The following SMC6 variants were observed in gnomAD, a reference collection of about 807,000 sequenced individuals.
The protein encoded by SMC6 is structural maintenance of chromosomes protein 6.
A neutral mutation model predicts 142.2 loss-of-function variants in SMC6; 79 were observed. The observed-to-expected ratio is 0.56, with a 90% CI of 0.46 to 0.67. The LOEUF (loss-of-function observed/expected upper bound fraction) is 0.67, where lower values mean the gene tolerates loss of function less well. Ranked by LOEUF, SMC6 falls within the 30% of genes least tolerant of loss-of-function variation. The pLI is 0.00. For synonymous variants in SMC6, 411 were observed against 412.4 expected (o/e 1.00, Z 0.04); for missense variants, 1,072 against 1,284.0 (o/e 0.83, Z 2.52).
chr2:17,718,262 CAATA>C (rs1399975111), intron 11 of SMC6, 39 bp from the exon 12 acceptor site: 3 of 1,435,912 alleles, frequency 2.1e-6, no homozygotes, highest in Non-Finnish European at 2.8e-6. Flanking sequence ...ATTTTTTCTT[CAATA>C]GAGAGAATTT....
chr2:17,686,198 A>G (rs1244077717), intron 23 of SMC6, among the ~76,000 whole-genome samples: 3 of 152,160 alleles, frequency 2.0e-5, no homozygotes, highest in Non-Finnish European at 4.4e-5. Flanking sequence ...AAATTTGGCC[A>G]GGTACGGTAT....
At chr2:17,696,174 A>T in intron 22 of SMC6, 115 bp downstream of exon 22, 1 of 1,342,418 alleles carries the variant, frequency 7.4e-7, no homozygotes, top group Non-Finnish European at 1.0e-6. Flanking sequence ...ACTCTATATG[A>T]AACAGAAATT....
Position 17,725,240 on chromosome 2 carries a change from A to G in SMC6, c.726+17T>C, listed in dbSNP as rs758738802. On this transcript the variant is annotated intron_variant, in intron 9 of 27. Coordinates refer to ENST00000448223, the MANE Select transcript of SMC6 (RefSeq NM_001142286.2). ...TTTGGCTGATCTCAAAAAGATTTACATTAACTGTTTACAAACCTCTTCTCC... is the reference window on the plus strand; with the variant it reads ...TTTGGCTGATCTCAAAAAGATTTACGTTAACTGTTTACAAACCTCTTCTCC... 12 of 1,573,838 alleles carry G rather than the reference A, an allele frequency of 7.6e-6. No homozygotes were observed. The Admixed American group carries it at 1.1e-4, about 14-fold the overall frequency.
At chr2:17,746,152 TAG>T (rs1346144446) in intron 2 of SMC6, 2 of 489,566 alleles carry the variant, frequency 4.1e-6, no homozygotes, top group Non-Finnish European at 6.7e-6. Context: ...GGCAAGGAAA[TAG>T]ATTTTCCCCT....
chr2:17,711,694 C>T (rs943972303), intron 16 of SMC6, among the ~76,000 whole-genome samples: 19 of 152,184 alleles, frequency 1.2e-4, no homozygotes, highest in Admixed American at 1.2e-3. Context: ...TCACAGCCCA[C>T]TGCAGCCTTG....
rs1348862636 is a variant in SMC6, at chr2:17,683,763, C to T, written c.2679G>A (p.Arg893=). ...ASHGDREEIM[R]QYQEARETYL... is the part of the protein sequence containing the mutation. ...AGGTCTCTCTTGCTTCTTGGTACTG[C>T]CTATTATATAAACAAAATATTACGT... The change falls in exon 24 of 28, where the codon AGG becomes AGA. Residue 893 remains arginine (R), a splice_region_variant and synonymous_variant. Coordinates refer to ENST00000448223, the MANE Select transcript of SMC6 (RefSeq NM_001142286.2). 18 of 1,606,150 alleles carry T rather than the reference C, an allele frequency of 1.1e-5. No homozygotes were observed. Among genetic ancestry groups the T allele is most frequent in the Non-Finnish European group, 1.4e-5 (17 of 1,176,330 alleles).
chr2:17,740,302 G>A (rs934006790), intron 4 of SMC6, among the ~76,000 whole-genome samples: 4 of 152,064 alleles, frequency 2.6e-5, no homozygotes, highest in Non-Finnish European at 5.9e-5. Context: ...GATAAAGTAA[G>A]AAAAACAACA....
At chr2:17,696,756 C>A (rs578086329) in intron 21 of SMC6, among the ~76,000 whole-genome samples, 1 of 152,020 alleles carries the variant, frequency 6.6e-6, no homozygotes, top group African/African-American at 2.4e-5. Flanking sequence ...AAAAAGGATA[C>A]CTGGTTTTAA....
chr2:17,708,740 G>T lies in SMC6; in HGVS notation c.1744C>A (p.Pro582Thr). The stretch of plus-strand genomic sequence containing the variant: ...GCTGTCAGAACTGTTGGAAAGTCTG[G>T]ATGATAAGCAGCTCTAGGAGACAAA... ...YDVRHRAAYHPDFPTVLTALE... is the reference protein window; with the variant it reads ...YDVRHRAAYHTDFPTVLTALE... The change falls in exon 17 of 28, where the codon CCA becomes ACA. Residue 582 changes from proline (P) to threonine (T), a missense_variant. This residue lies in a region of SMC6 where 994 missense variants were observed against 1,153.2 expected (regional missense o/e 0.86). Transcript: ENST00000448223. The T allele has an allele frequency of 1.3e-6, 2 of 1,530,944 alleles. No individual in the cohort carries two copies. The highest frequency in any genetic ancestry group is 2.4e-5 in the East Asian group (1 of 41,390). The allele number at this position is 1,530,944 out of a possible 1,614,324, so 94.8% of individuals were successfully genotyped here.
At chr2:17,674,036 T>G (rs192473911) in intron 25 of SMC6, among the ~76,000 whole-genome samples, 8 of 152,262 alleles carry the variant, frequency 5.3e-5, no homozygotes, top group Non-Finnish European at 1.2e-4. Flanking sequence ...TTCATTGCTA[T>G]TGTACATTTG....
intron 24 of SMC6, chr2:17,679,262 G>A: frequency 4.4e-6 from 1 of 226,088 alleles, no homozygotes; most frequent in East Asian, 1.0e-4. Flanking sequence ...GCTTAGGAAT[G>A]CATCAGTCAT....
At chr2:17,735,325 T>G (rs913458831) in intron 5 of SMC6, among the ~76,000 whole-genome samples, 3 of 152,166 alleles carry the variant, frequency 2.0e-5, no homozygotes, top group Non-Finnish European at 4.4e-5. Flanking sequence ...AGAATTTGGC[T>G]TCTTTCTCAA....
intron 23 of SMC6, among the ~76,000 whole-genome samples, chr2:17,689,822 A>C (rs1057254439): frequency 6.6e-6 from 1 of 152,206 alleles, no homozygotes; most frequent in Admixed American, 6.5e-5. Flanking sequence ...TAGTTGTTAC[A>C]CTGTATTCTG....
chr2:17,700,462 A>C (rs1271855075), intron 20 of SMC6, 84 bp from the exon 21 acceptor site: 1 of 1,116,782 alleles, frequency 9.0e-7, no homozygotes, highest in Non-Finnish European at 1.2e-6. Flanking sequence ...ATTCTGAGAG[A>C]GGAGAAACTA....
chr2:17,723,587 T>C (rs987536039), intron 9 of SMC6, among the ~76,000 whole-genome samples: 3 of 152,200 alleles, frequency 2.0e-5, no homozygotes, highest in African/African-American at 7.2e-5. Context: ...TAGGCATCAC[T>C]TCCTTAATAA....
At chr2:17,743,442 A>T (rs1300597896) in intron 3 of SMC6, among the ~76,000 whole-genome samples, 4 of 152,156 alleles carry the variant, frequency 2.6e-5, no homozygotes, top group Non-Finnish European at 5.9e-5. Context: ...ATTTTTTAAG[A>T]GTAGTTTTAG....
intron 16 of SMC6, among the ~76,000 whole-genome samples, chr2:17,709,372 T>C (rs1397442231): frequency 6.6e-6 from 1 of 152,184 alleles, no homozygotes; most frequent in African/African-American, 2.4e-5. Flanking sequence ...TTCTTATGAA[T>C]TGTAATTTGG....
At chr2:17,731,631 C>A in intron 6 of SMC6, 110 bp downstream of exon 6, 1 of 1,102,346 alleles carries the variant, frequency 9.1e-7, no homozygotes, top group South Asian at 1.5e-5. Context: ...TATATGCACA[C>A]AACCAATCAT....
intron 25 of SMC6, among the ~76,000 whole-genome samples, chr2:17,673,845 A>C (rs996716573): frequency 6.6e-6 from 1 of 152,134 alleles, no homozygotes; most frequent in Admixed American, 6.5e-5. Context: ...CCGGGATTAT[A>C]GGCATGAGCC....
Sources: allele counts gnomAD v4.1 joint callset (sites outside exome capture counted in the v4.1 genomes callset), GRCh38; gene constraint gnomAD v4.1.1; regional missense constraint gnomAD v4.1.1; transcripts MANE v1.5; gene names NCBI Gene and HGNC (gene_info 2026-07-23, HGNC 2026-07-21).